Variants in FH observed in about 807,000 individuals in gnomAD.
FH encodes the protein fumarate hydratase, also known as fumarate hydratase, mitochondrial.
In FH, 22 loss-of-function variants were observed where a neutral mutation model predicts 49.4. The ratio of observed to expected loss-of-function variants is 0.45; its 90% CI spans 0.32 to 0.64. The LOEUF is 0.64. Among genes scored for constraint, FH ranks in the 30% least tolerant of loss-of-function variants. The pLI, the probability that FH is intolerant of heterozygous loss-of-function variation, is 0.05. For missense variants in FH, 526 were observed against 641.5 expected, an observed-to-expected ratio of 0.82 and a Z score of 1.95; for synonymous variants, 208 against 223.0, an observed-to-expected ratio of 0.93 and a Z score of 0.60.
intron 1 of FH, 96 bp from the exon 2 acceptor site, chr1:241,517,412 A>G: frequency 2.9e-6 from 4 of 1,362,628 alleles, no homozygotes; most frequent in Non-Finnish European, 4.1e-6. Context: ...AGAAACCTGA[A>G]TAAGTATCAC....
chr1:241,503,024 G>A (rs761152022), intron 7 of FH, among the ~76,000 whole-genome samples: 7 of 152,182 alleles, frequency 4.6e-5, no homozygotes, highest in Admixed American at 2.0e-4. Context: ...GGAAGGTGAT[G>A]CTAAGCTAAA....
At position 241,508,742 on chromosome 1, in the gene FH, G is replaced by C; in HGVS notation, c.599C>G (p.Ala200Gly). The C allele has an allele frequency of 1.2e-6, 2 of 1,613,714 alleles. No homozygotes were observed. The highest frequency in any genetic ancestry group is 8.5e-7 in the Non-Finnish European group (1 of 1,179,722). The change falls in exon 5 of 10, where the codon GCA becomes GGA. Residue 200 changes from alanine (A) to glycine (G), a missense_variant. This residue lies in a region of FH where 383 missense variants were observed against 514.0 expected (regional missense o/e 0.75). Transcript: ENST00000366560. Reference sequence around the variant, plus strand: ...TAACAGTACTTCATGAACTTCTATTGCAGCAGCAATGTGCATTGCTGTGGG... The same window carrying C: ...TAACAGTACTTCATGAACTTCTATTCCAGCAGCAATGTGCATTGCTGTGGG... ...TFPTAMHIAA[A>G]IEVHEVLLPG...
chr1:241,498,361 A>G (rs1320027400), intron 9 of FH, among the ~76,000 whole-genome samples: 1 of 152,084 alleles, frequency 6.6e-6, no homozygotes, highest in African/African-American at 2.4e-5. Flanking sequence ...AACAAGCTAA[A>G]TGCTCCAGTC....
At chr1:241,510,514 G>T (rs561828196) in intron 4 of FH, among the ~76,000 whole-genome samples, 4 of 152,180 alleles carry the variant, frequency 2.6e-5, no homozygotes, top group Non-Finnish European at 5.9e-5. Context: ...AAATAAATGG[G>T]ACAGAGAGAA....
chr1:241,515,922 A>G (rs1660199540), intron 2 of FH, among the ~76,000 whole-genome samples: 2 of 152,222 alleles, frequency 1.3e-5, no homozygotes, highest in Non-Finnish European at 2.9e-5. Flanking sequence ...TGAATGTGGT[A>G]GAAAGTTTTC....
chr1:241,515,971 T>C, intron 2 of FH, among the ~76,000 whole-genome samples: 1 of 152,334 alleles, frequency 6.6e-6, no homozygotes, highest in South Asian at 2.1e-4. Context: ...AATAAATACT[T>C]ATATATTATC....
chr1:241,519,305 G>A (rs546070504), intron 1 of FH: 15 of 384,800 alleles, frequency 3.9e-5, no homozygotes, highest in Middle Eastern at 6.6e-4. Flanking sequence ...GCCTCGGCCC[G>A]CCACGGACGG....
At chr1:241,509,038 T>C (rs1660007106) in intron 4 of FH, among the ~76,000 whole-genome samples, 1 of 149,064 alleles carries the variant, frequency 6.7e-6, no homozygotes, top group South Asian at 2.1e-4. Flanking sequence ...ATATATGTAT[T>C]ACGTATTATA....
chr1:241,497,828 T>A lies in FH; in HGVS notation c.1533A>T (p.Ter511CysextTer3). 2 of 1,596,760 alleles carry A rather than the reference T, an allele frequency of 1.3e-6. No individual in the cohort carries two copies. The highest frequency in any genetic ancestry group is 1.3e-5 in the African/African-American group (1 of 74,230). The change falls in exon 10 of 10, where the codon TGA (stop) becomes TGT (cysteine). Residue 511 changes from the stop codon to cysteine (C), a stop_lost. Transcript: ENST00000366560. ...VKPKDMLGPK[*>C] ...TATTTTCATTATAAATTTATGTAAA[T>A]CACTTTGGACCCAGCATGTCCTTAG...
intron 3 of FH, among the ~76,000 whole-genome samples, chr1:241,513,393 A>G (rs1660138306): frequency 6.6e-6 from 1 of 152,232 alleles, no homozygotes; most frequent in South Asian, 2.1e-4. Context: ...GCTTAAAAAC[A>G]AAAGGTATAA....
In FH at chr1:241,498,694, C is replaced by CATATATATATATATATATAT. The variant is rs56361117; in HGVS notation, c.1391-744_1391-725dup. 5.6e-4 allele frequency among the ~76,000 whole-genome samples: 30 copies of CATATATATATATATATATAT among 53,166 alleles called. 1 individual carries two copies. The highest frequency in any genetic ancestry group is 7.5e-4 in the Non-Finnish European group (21 of 27,984). The allele number at this position is 53,166 out of a possible 152,430, so 34.9% of individuals were successfully genotyped here. A position where few individuals can be genotyped will look rare whatever the true frequency, so the allele number is the denominator to read the frequency against. Reference sequence around the variant, plus strand: ...AGGGCAGTTCTGCAAGCTGTCTTAACATATATATATATATATATATATATA... The same window carrying CATATATATATATATATATAT: ...AGGGCAGTTCTGCAAGCTGTCTTAACATATATATATATATATATATATATATATATATATATATATATATA... On this transcript the variant is annotated intron_variant, in intron 9 of 9. Transcript: ENST00000366560.
At chr1:241,512,215 T>A (rs984779286) in intron 3 of FH, 72 bp from the exon 4 acceptor site, 1 of 1,363,982 alleles carries the variant, frequency 7.3e-7, no homozygotes. Context: ...AGAGTTTGAA[T>A]ACAGTTGACC....
chr1:241,519,363 C>T (rs1439950466), intron 1 of FH: 10 of 532,666 alleles, frequency 1.9e-5, no homozygotes, highest in South Asian at 2.6e-5. Context: ...TCTCTGACAG[C>T]CCCCGTCCCT....
rs766749545 is a variant in FH, at chr1:241,497,959, C to T, written c.1402G>A (p.Ala468Thr). 1 of 1,613,922 alleles carries T rather than the reference C, an allele frequency of 6.2e-7. No individual in the cohort carries two copies. Residue 468 changes from alanine to threonine, a missense_variant, in exon 10 of 10, where the codon GCA becomes ACA. Transcript: ENST00000366560. ...TGTGCTGTCTTAGCAATCTTTGCTG[C>T]CTTGTCATACCCTGAAGAAAAAATA... ...ALNPHIGYDK[A>T]AKIAKTAHKN... is the part of the protein sequence containing the mutation.
intron 1 of FH, among the ~76,000 whole-genome samples, chr1:241,517,530 C>T (rs771803405): frequency 1.3e-5 from 2 of 152,170 alleles, no homozygotes; most frequent in Non-Finnish European, 2.9e-5. Flanking sequence ...TAAAGACAGA[C>T]TGTAGAACTA....
At chr1:241,510,063 T>A (rs535752480) in intron 4 of FH, among the ~76,000 whole-genome samples, 44 of 152,318 alleles carry the variant, frequency 2.9e-4, no homozygotes, top group South Asian at 1.2e-3. Context: ...CAGACTTCAG[T>A]ATATATAGAA....
chr1:241,512,843 G>A (rs1410083284), intron 3 of FH, among the ~76,000 whole-genome samples: 1 of 151,720 alleles, frequency 6.6e-6, no homozygotes, highest in African/African-American at 2.4e-5. Flanking sequence ...AGTCACTATA[G>A]TTCTATTGCT....
intron 5 of FH, among the ~76,000 whole-genome samples, chr1:241,507,423 T>C (rs1659958554): frequency 6.6e-6 from 1 of 152,106 alleles, no homozygotes; most frequent in African/African-American, 2.4e-5. Context: ...CATGACTGTA[T>C]GTATACACAC....
In FH at chr1:241,519,601, G is replaced by C; in HGVS notation, c.122C>G (p.Ala41Gly). 1 of 1,547,606 alleles carries C rather than the reference G, an allele frequency of 6.5e-7. No homozygotes were observed. Among genetic ancestry groups the C allele is most frequent in the Non-Finnish European group, 8.7e-7 (1 of 1,146,350 alleles). ...AAVPSFWPPNAARMASQNSFR... is the reference protein window; with the variant it reads ...AAVPSFWPPNGARMASQNSFR... ...GCGGCCTGCGCTCACCATTCGAGCC[G>C]CGTTCGGAGGCCAAAACGAGGGCAC... Residue 41 changes from alanine to glycine, a missense_variant, in exon 1 of 10, where the codon GCG becomes GGG. This residue lies in a region of FH where 143 missense variants were observed against 127.5 expected (regional missense o/e 1.12). Transcript: ENST00000366560.
Sources: gnomAD v4.1 joint callset for allele counts (sites outside exome capture counted in the v4.1 genomes callset) on GRCh38, gnomAD v4.1.1 for gene constraint, gnomAD v4.1.1 regional missense constraint, MANE v1.5 for transcripts, NCBI Gene and HGNC (gene_info 2026-07-23, HGNC 2026-07-21) for gene names.